TEKT3: variants seen among roughly 807,000 people sequenced by gnomAD.
TEKT3 encodes tektin 3, also known as tektin-3.
TEKT3 carries 49 observed loss-of-function variants against 49.8 expected under a neutral mutation model. That is an observed-to-expected ratio of 0.98 (90% confidence interval 0.78 to 1.25). TEKT3 has a LOEUF of 1.25. Among genes scored for constraint, TEKT3 ranks in the 50% most tolerant of loss-of-function variants. The pLI, the probability that TEKT3 is intolerant of heterozygous loss-of-function variation, is 0.00. For synonymous variants in TEKT3, 225 were observed against 237.2 expected, an observed-to-expected ratio of 0.95 and a Z score of 0.47; for missense variants, 595 against 629.5, an observed-to-expected ratio of 0.95 and a Z score of 0.59.
chr17:15,307,537 C>T (rs1243289026), intron 8 of TEKT3, among the ~76,000 whole-genome samples: 1 of 152,206 alleles, frequency 6.6e-6, no homozygotes, highest in African/African-American at 2.4e-5. Context: ...CATTGATTAT[C>T]GCCATCATTA....
chr17:15,332,116 G>C (rs554009586), intron 2 of TEKT3, among the ~76,000 whole-genome samples: 13 of 151,906 alleles, frequency 8.6e-5, no homozygotes, highest in Admixed American at 2.6e-4. Flanking sequence ...TGGCGGGGGT[G>C]GGGGGCAGAT....
At chr17:15,337,424 A>G (rs1912027495) in intron 2 of TEKT3, among the ~76,000 whole-genome samples, 1 of 152,226 alleles carries the variant, frequency 6.6e-6, no homozygotes, top group Admixed American at 6.5e-5. Flanking sequence ...AAATCCAACT[A>G]TGCTGATAAT....
chr17:15,325,217 T>C lies in TEKT3; in HGVS notation c.663+2775A>G, dbSNP rs974847506. On this transcript the variant is annotated intron_variant, in intron 4 of 8. Coordinates refer to ENST00000395930, the MANE Select transcript of TEKT3 (RefSeq NM_031898.3). Reference sequence around the variant, plus strand: ...AACTTTCTTCTTTTTCCATATTATTTTGGCTATTCACTATCCTTTGAATTT... The same window carrying C: ...AACTTTCTTCTTTTTCCATATTATTCTGGCTATTCACTATCCTTTGAATTT... Among the ~76,000 whole-genome samples, 6 of 152,212 alleles carry C rather than the reference T, an allele frequency of 3.9e-5. No homozygotes were observed. In the East Asian group the frequency reaches 1.2e-3, roughly 29 times the overall value.
rs538941789 is a variant in TEKT3, at chr17:15,318,458, A to C, written c.734+619T>G. Among the ~76,000 whole-genome samples, 8 of 152,338 alleles carry C rather than the reference A, an allele frequency of 5.3e-5. No individual in the cohort carries two copies. The South Asian group carries it at 1.7e-3, about 32-fold the overall frequency. The stretch of plus-strand genomic sequence containing the variant: ...ATCTTAGTTACACTCAAGTGAGGGC[A>C]GAAATCCTTCCCACAGCATCTCAGA... On this transcript the variant is annotated intron_variant, in intron 5 of 8. Transcript: ENST00000395930.
intron 8 of TEKT3, 77 bp downstream of exon 8, chr17:15,308,587 G>T: frequency 6.5e-7 from 1 of 1,549,446 alleles, no homozygotes. Context: ...GCAGAAAGCA[G>T]CTTTCTAAAG....
rs868091805 is a variant in TEKT3 at position 15,333,860 on chromosome 17, C to T, written c.-29-2246G>A. 4.6e-5 allele frequency among the ~76,000 whole-genome samples: 7 copies of T among 151,278 alleles called. 1 individual carries two copies. The South Asian group carries it at 1.5e-3, about 32-fold the overall frequency. ...CTGCAAGCTCTGCCTCCCAGGTTCA[C>T]ACCATTCTCCTGCCTCCTCAGCCTC... is the stretch of plus-strand genomic sequence containing the variant. On this transcript the variant is annotated intron_variant, in intron 2 of 8. Transcript: ENST00000395930.
At chr17:15,316,330 T>C (rs1438134369) in intron 5 of TEKT3, among the ~76,000 whole-genome samples, 1 of 152,148 alleles carries the variant, frequency 6.6e-6, no homozygotes, top group Non-Finnish European at 1.5e-5. Context: ...GGAGGTGGAA[T>C]AGAGACTTCA....
At chr17:15,321,840 C>G (rs1032603429) in intron 4 of TEKT3, among the ~76,000 whole-genome samples, 2 of 152,222 alleles carry the variant, frequency 1.3e-5, no homozygotes, top group African/African-American at 4.8e-5. Flanking sequence ...GCTTGAAGAA[C>G]CTTGAATGCA....
chr17:15,328,128 T>A, intron 3 of TEKT3, 53 bp from the exon 4 acceptor site: 1 of 1,474,180 alleles, frequency 6.8e-7, no homozygotes, highest in East Asian at 2.3e-5. Flanking sequence ...AATCCATGAC[T>A]AGCAGCTCTA....
intron 4 of TEKT3, among the ~76,000 whole-genome samples, chr17:15,321,255 C>A (rs1301517940): frequency 6.6e-6 from 1 of 152,024 alleles, no homozygotes; most frequent in East Asian, 1.9e-4. Context: ...GTGATCCACC[C>A]GCCTCGGCTT....
Position 15,305,787 on chromosome 17 carries a change from T to TA in TEKT3, c.1257-1636dup, listed in dbSNP as rs762284587. 4.9e-3 allele frequency among the ~76,000 whole-genome samples: 625 copies of TA among 126,576 alleles called. 2 individuals carry two copies. The highest frequency in any genetic ancestry group is 0.011 in the African/African-American group (384 of 34,428). The allele number at this position is 126,576 out of a possible 152,430, so 83.0% of individuals were successfully genotyped here. ...AATATACATGTCAAAACATCAATGC[T>TA]AAAAAAAAAAAAAAAATCGAGATAT... is the stretch of plus-strand genomic sequence containing the variant. On this transcript the variant is annotated intron_variant, in intron 8 of 8. Transcript: ENST00000395930.
At chr17:15,320,195 C>A (rs1194245652) in intron 4 of TEKT3, among the ~76,000 whole-genome samples, 1 of 152,176 alleles carries the variant, frequency 6.6e-6, no homozygotes, top group African/African-American at 2.4e-5. Context: ...CACCACCCCA[C>A]CAAAAGCAGC....
chr17:15,314,427 C>T lies in TEKT3; in HGVS notation c.735-197G>A. On this transcript the variant is annotated intron_variant, in intron 5 of 8. Transcript: ENST00000395930. Reference sequence around the variant, plus strand: ...TACCTCTACGTCACTGGGACCCTAACTCCCACCTTGTCTACACTTCTCCTT... The same window carrying T: ...TACCTCTACGTCACTGGGACCCTAATTCCCACCTTGTCTACACTTCTCCTT... 4 of 602,752 alleles carry T rather than the reference C, an allele frequency of 6.6e-6. No homozygotes were observed. In the Admixed American group the frequency reaches 9.5e-5, roughly 14 times the overall value. 37.3% of individuals were successfully genotyped at this position (602,752 alleles called of 1,614,324 possible).
At chr17:15,342,182 A>G (rs149687697), upstream of TEKT3, among the ~76,000 whole-genome samples, 20 of 152,284 alleles carry the variant, frequency 1.3e-4, 1 homozygote, top group East Asian at 3.9e-3. Context: ...ATTTTTACAT[A>G]CATACATCAT....
chr17:15,320,488 C>T (rs1446879190), intron 4 of TEKT3, among the ~76,000 whole-genome samples: 1 of 152,108 alleles, frequency 6.6e-6, no homozygotes, highest in East Asian at 1.9e-4. Flanking sequence ...AAATATATCT[C>T]CTTTTGGTTT....
Position 15,331,236 on chromosome 17 carries a change from G to T in TEKT3, c.350C>A (p.Ser117Ter), listed in dbSNP as rs376822371. The T allele has an allele frequency of 1.2e-6, 2 of 1,613,996 alleles. No individual in the cohort carries two copies. The highest frequency in any genetic ancestry group is 1.3e-5 in the African/African-American group (1 of 74,886). ...AGATGTATCCACTCTTAGTTTCTCC[G>T]AATTATGTCGGGAAGTGTTGGACTC... is the stretch of plus-strand genomic sequence containing the variant. ...YQESNTSRHNSEKLRVDTSRL... is the reference protein window; with the variant it reads ...YQESNTSRHN Residue 117 changes from serine (S) to a stop codon, truncating the protein, a stop_gained, in exon 3 of 9, where the codon TCG (serine) becomes TAG (stop). Coordinates refer to ENST00000395930, the MANE Select transcript of TEKT3 (RefSeq NM_031898.3). LOFTEE classifies it high-confidence loss of function.
At chr17:15,333,166 T>A (rs949167452) in intron 2 of TEKT3, among the ~76,000 whole-genome samples, 1 of 152,174 alleles carries the variant, frequency 6.6e-6, no homozygotes, top group Admixed American at 6.5e-5. Flanking sequence ...CACAGACCAC[T>A]ACGTATCTTT....
At chr17:15,309,552 G>T (rs1910683625) in intron 7 of TEKT3, among the ~76,000 whole-genome samples, 1 of 152,018 alleles carries the variant, frequency 6.6e-6, no homozygotes, top group African/African-American at 2.4e-5. Context: ...CTGCACTCCT[G>T]TAGCTCCACA....
Position 15,331,486 on chromosome 17 carries a change from T to C in TEKT3, c.100A>G (p.Arg34Gly). The C allele has an allele frequency of 6.2e-7, 1 of 1,614,112 alleles. No individual in the cohort carries two copies. Among genetic ancestry groups the C allele is most frequent in the Non-Finnish European group, 8.5e-7 (1 of 1,180,014 alleles). Residue 34 changes from arginine to glycine, a missense_variant, in exon 3 of 9, where the codon AGG becomes GGG. Transcript: ENST00000395930. Reference protein sequence around the residue: ...PAISTMASSYRDRFPHSNLTH... With the variant: ...PAISTMASSYGDRFPHSNLTH... ...AAATTGGAGTGGGGAAAGCGGTCCC[T>C]GTAGCTTGAGGCCATGGTACTGATG...
Sources: gnomAD v4.1 joint callset for allele counts (sites outside exome capture counted in the v4.1 genomes callset) on GRCh38, gnomAD v4.1.1 for gene constraint, MANE v1.5 for transcripts, NCBI Gene and HGNC (gene_info 2026-07-23, HGNC 2026-07-21) for gene names.